The following HSD17B2 variants were observed in gnomAD, a reference collection of about 807,000 sequenced individuals.
The protein encoded by HSD17B2 is hydroxysteroid 17-beta dehydrogenase 2.
Under a neutral mutation model 26.9 loss-of-function variants are expected in HSD17B2, and 32 were observed. That is an observed-to-expected ratio of 1.19 (90% confidence interval 0.90 to 1.60). The LOEUF (loss-of-function observed/expected upper bound fraction) is 1.60, where lower values mean the gene tolerates loss of function less well. Among genes scored for constraint, HSD17B2 ranks in the 40% most tolerant of loss-of-function variants. The probability of loss-of-function intolerance (pLI) is 0.00; values close to 1 mark genes in which losing one functional copy is unlikely to be tolerated. For synonymous variants in HSD17B2, 246 were observed against 186.7 expected (o/e 1.32, Z -2.59); for missense variants, 613 against 468.6 (o/e 1.31, Z -2.85).
At chr16:82,080,852 T>C (rs3111351) in intron 3 of HSD17B2, among the ~76,000 whole-genome samples, 23,144 of 152,138 alleles carry the variant, frequency 0.15, 5,354 homozygotes, top group African/African-American at 0.5. Context: ...AAAGGCAGAG[T>C]CAATCAAACA....
At chr16:82,039,133 G>A (rs1468636081) in intron 1 of HSD17B2, among the ~76,000 whole-genome samples, 1 of 152,040 alleles carries the variant, frequency 6.6e-6, no homozygotes, top group Non-Finnish European at 1.5e-5. Context: ...GGTTCTGGGG[G>A]AATAGCATCT....
intron 1 of HSD17B2, among the ~76,000 whole-genome samples, chr16:82,045,420 G>A (rs996902131): frequency 5.9e-5 from 9 of 152,120 alleles, no homozygotes; most frequent in African/African-American, 2.2e-4. Flanking sequence ...CATATAAAGT[G>A]GAATCATGAT....
chr16:82,078,272 G>C (rs1904313504), intron 3 of HSD17B2, among the ~76,000 whole-genome samples: 1 of 152,136 alleles, frequency 6.6e-6, no homozygotes, highest in South Asian at 2.1e-4. Flanking sequence ...TAGCAAACAA[G>C]CATATGAAAA....
intron 3 of HSD17B2, 90 bp from the exon 4 acceptor site, chr16:82,090,812 C>T (rs550044781): frequency 5.6e-6 from 7 of 1,249,302 alleles, no homozygotes; most frequent in East Asian, 2.5e-5. Context: ...GATACCAGTT[C>T]CTACATACAG....
intron 2 of HSD17B2, among the ~76,000 whole-genome samples, chr16:82,070,332 C>T (rs1365867727): frequency 6.6e-6 from 1 of 152,182 alleles, no homozygotes; most frequent in East Asian, 1.9e-4. Flanking sequence ...TACCCTCCAG[C>T]CCCTTCCTAC....
intron 2 of HSD17B2, chr16:82,070,688 A>G: frequency 2.0e-6 from 1 of 494,018 alleles, no homozygotes; most frequent in Non-Finnish European, 3.6e-6. Context: ...TGGTTCACTT[A>G]GTAAATTCTG....
At chr16:82,066,056 G>A (rs543121084) in intron 1 of HSD17B2, among the ~76,000 whole-genome samples, 7 of 152,160 alleles carry the variant, frequency 4.6e-5, no homozygotes, top group Non-Finnish European at 8.8e-5. Context: ...TCCAGCAACA[G>A]GTCCATTTCT....
chr16:82,090,825 G>T, intron 3 of HSD17B2, 77 bp from the exon 4 acceptor site: 1 of 1,370,018 alleles, frequency 7.3e-7, no homozygotes. Context: ...ACATACAGTA[G>T]ACACTGATTA....
chr16:82,090,453 G>GGATT, intron 3 of HSD17B2, among the ~76,000 whole-genome samples: 1 of 151,452 alleles, frequency 6.6e-6, no homozygotes, highest in East Asian at 1.9e-4. Flanking sequence ...TGAGTAGCTG[G>GGATT]GATTACAGGC....
chr16:82,045,416 AAGTGG>A (rs754929916), intron 1 of HSD17B2, among the ~76,000 whole-genome samples: 1 of 152,170 alleles, frequency 6.6e-6, no homozygotes, highest in Non-Finnish European at 1.5e-5. Flanking sequence ...CTCACATATA[AAGTGG>A]AATCATGATT....
intron 4 of HSD17B2, 90 bp downstream of exon 4, chr16:82,091,129 T>C (rs762537001): frequency 7.9e-7 from 1 of 1,259,022 alleles, no homozygotes; most frequent in Non-Finnish European, 1.2e-6. Flanking sequence ...ATTGAACCCC[T>C]CATTGTTGTC....
chr16:82,097,964 AT>A, intron 4 of HSD17B2, 110 bp from the exon 5 acceptor site: 1 of 968,000 alleles, frequency 1.0e-6, no homozygotes, highest in Non-Finnish European at 1.5e-6. Context: ...AAAAAAATAA[AT>A]AAATAAACGT....
chr16:82,097,262 A>G lies in HSD17B2; in HGVS notation c.803-813A>G, dbSNP rs201466071. The G allele has an allele frequency of 7.1e-3, 548 of 76,998 alleles. 3 individuals carry two copies. Among genetic ancestry groups the G allele is most frequent in the South Asian group, 0.034 (66 of 1,942 alleles). The allele number at this position is 76,998 out of a possible 1,614,324, so 4.8% of individuals were successfully genotyped here. ...TATGTCTATGTCTATGTCTATGTCT[A>G]TGTCTATGTGTGTGTATGTGTGTGT... On this transcript the variant is annotated intron_variant, in intron 4 of 4. Coordinates refer to ENST00000199936, the MANE Select transcript of HSD17B2 (RefSeq NM_002153.3).
chr16:82,053,243 A>G (rs1437077949), intron 1 of HSD17B2, among the ~76,000 whole-genome samples: 1 of 152,200 alleles, frequency 6.6e-6, no homozygotes, highest in Non-Finnish European at 1.5e-5. Flanking sequence ...ACATCAGGGA[A>G]TTGGTGATCA....
Position 82,068,161 on chromosome 16 carries a change from C to T in HSD17B2, c.266-9C>T, listed in dbSNP as rs200137609. The T allele has an allele frequency of 3.7e-6, 6 of 1,613,320 alleles. No individual in the cohort carries two copies. Among genetic ancestry groups the T allele is most frequent in the East Asian group, 4.5e-5 (2 of 44,872 alleles). ...TGACCTCACTCCCTACTCCCCTGAC[C>T]CTATGCAGGTGGTGATTGCGGGCTT... On this transcript the variant is annotated splice_polypyrimidine_tract_variant and intron_variant, in intron 1 of 4. Transcript: ENST00000199936.
intron 1 of HSD17B2, among the ~76,000 whole-genome samples, chr16:82,056,103 G>A (rs184130018): frequency 1.3e-5 from 2 of 152,106 alleles, no homozygotes; most frequent in African/African-American, 2.4e-5. Flanking sequence ...TTATATTTTG[G>A]AAGCGGCTGA....
Position 82,035,323 on chromosome 16 carries a change from C to A in HSD17B2, c.-102C>A. 8.8e-7 allele frequency: 1 copy of A among 1,135,494 alleles called. No homozygotes were observed. The highest frequency in any genetic ancestry group is 1.5e-5 in the African/African-American group (1 of 65,086). 70.3% of individuals were successfully genotyped at this position (1,135,494 alleles called of 1,614,324 possible). Reference sequence around the variant, plus strand: ...GGGCTGGGGCTGCTTTCTCCCCTCCCTTCTTGACTCTCTGTTCACAGAACT... The same window carrying A: ...GGGCTGGGGCTGCTTTCTCCCCTCCATTCTTGACTCTCTGTTCACAGAACT... On this transcript the variant is annotated 5_prime_UTR_variant, in exon 1 of 5. Transcript: ENST00000199936.
intron 1 of HSD17B2, among the ~76,000 whole-genome samples, chr16:82,054,573 G>C (rs1312854508): frequency 1.3e-5 from 2 of 152,134 alleles, no homozygotes; most frequent in African/African-American, 2.4e-5. Context: ...TCAAACTCCT[G>C]ACCTCAAGTT....
intron 3 of HSD17B2, among the ~76,000 whole-genome samples, chr16:82,085,494 C>G (rs963988907): frequency 3.3e-5 from 5 of 152,040 alleles, no homozygotes; most frequent in Non-Finnish European, 7.4e-5. Context: ...GGATATGAAC[C>G]GGGATCTGTT....
Sources: allele counts gnomAD v4.1 joint callset (sites outside exome capture counted in the v4.1 genomes callset), GRCh38; gene constraint gnomAD v4.1.1; transcripts MANE v1.5; gene names NCBI Gene and HGNC (gene_info 2026-07-23, HGNC 2026-07-21).